The following RYR2 variants were observed in gnomAD, a reference collection of about 807,000 sequenced individuals.
RYR2 encodes ryanodine receptor 2.
In RYR2, 227 loss-of-function variants were observed where a neutral mutation model predicts 601.1. The ratio of observed to expected loss-of-function variants is 0.38; its 90% confidence interval spans 0.34 to 0.42. RYR2 has a LOEUF of 0.42. Among genes scored for constraint, RYR2 ranks in the 10% least tolerant of loss-of-function variants. The probability of loss-of-function intolerance (pLI) is 1.00; values close to 1 mark genes in which losing one functional copy is unlikely to be tolerated. For missense variants in RYR2, 4,646 were observed against 6,156.5 expected (o/e 0.75, Z 8.21); for synonymous variants, 2,223 against 2,175.1 (o/e 1.02, Z -0.61).
At chr1:237,678,494 G>C (rs1685593583) in intron 61 of RYR2, among the ~76,000 whole-genome samples, 1 of 152,048 alleles carries the variant, frequency 6.6e-6, no homozygotes. Flanking sequence ...TTCATAAATA[G>C]GCACATTATA....
intron 3 of RYR2, among the ~76,000 whole-genome samples, chr1:237,343,858 T>C (rs2787109): frequency 0.14 from 21,050 of 150,292 alleles, 1,643 homozygotes; most frequent in East Asian, 0.33. Context: ...TTACTTCTCA[T>C]TGCTCAGGCT....
intron 7 of RYR2, 65 bp from the exon 8 acceptor site, chr1:237,377,258 G>T: frequency 1.7e-6 from 2 of 1,196,948 alleles, no homozygotes; most frequent in Non-Finnish European, 2.3e-6. Flanking sequence ...GGGAATCATT[G>T]GCAAAGAAAA....
chr1:237,621,138 T>C (rs1289153750), intron 38 of RYR2, among the ~76,000 whole-genome samples: 1 of 152,148 alleles, frequency 6.6e-6, no homozygotes, highest in African/African-American at 2.4e-5. Context: ...CTCTTAGAGA[T>C]ACTAAACAAC....
intron 1 of RYR2, among the ~76,000 whole-genome samples, chr1:237,131,138 AC>A (rs1284392046): frequency 1.3e-5 from 2 of 152,072 alleles, no homozygotes; most frequent in African/African-American, 4.8e-5. Flanking sequence ...GAGAAAAGAT[AC>A]CCCAGGCCTC....
At chr1:237,382,755 AAG>A (rs1346890910) in intron 8 of RYR2, among the ~76,000 whole-genome samples, 1 of 152,136 alleles carries the variant, frequency 6.6e-6, no homozygotes, top group South Asian at 2.1e-4. Context: ...ATAATGATAA[AAG>A]AGTGATCATA....
chr1:237,579,418 G>A (rs1299779740), intron 29 of RYR2, among the ~76,000 whole-genome samples: 2 of 151,752 alleles, frequency 1.3e-5, no homozygotes, highest in African/African-American at 4.8e-5. Flanking sequence ...CACCATGCCC[G>A]GCTAATTTTG....
intron 17 of RYR2, among the ~76,000 whole-genome samples, chr1:237,480,251 T>G (rs528240093): frequency 9.9e-5 from 15 of 152,050 alleles, no homozygotes; most frequent in African/African-American, 3.1e-4. Context: ...AAACCTCGTC[T>G]GTACTAAAAA....
At chr1:237,430,090 A>G (rs1250199073) in intron 12 of RYR2, among the ~76,000 whole-genome samples, 1 of 150,572 alleles carries the variant, frequency 6.6e-6, no homozygotes, top group African/African-American at 2.4e-5. Flanking sequence ...CCAGATCAAT[A>G]TATATTGTTA....
Position 237,323,135 on chromosome 1 carries a change from C to T in RYR2, c.169-7743C>T, listed in dbSNP as rs115704585. Among the ~76,000 whole-genome samples the T allele has an allele frequency of 9.3e-3, 1,414 of 152,074 alleles. 25 individuals carry two copies. The highest frequency in any genetic ancestry group is 0.065 in the South Asian group (311 of 4,814). Reference sequence around the variant, plus strand: ...ATACTTGTTCGGGATACTTGTTTTCCAGAGAGTTGGTATGTGGAGCTTTTA... The same window carrying T: ...ATACTTGTTCGGGATACTTGTTTTCTAGAGAGTTGGTATGTGGAGCTTTTA... On this transcript the variant is annotated intron_variant, in intron 2 of 104. Coordinates refer to ENST00000366574, the MANE Select transcript of RYR2 (RefSeq NM_001035.3).
At chr1:237,306,982 T>C (rs1693940726) in intron 2 of RYR2, among the ~76,000 whole-genome samples, 1 of 152,200 alleles carries the variant, frequency 6.6e-6, no homozygotes, top group Non-Finnish European at 1.5e-5. Context: ...GGGTACGTAC[T>C]TATACTACTT....
chr1:237,633,417 G>A (rs1439741601), intron 42 of RYR2, among the ~76,000 whole-genome samples, 161 bp from the exon 43 acceptor site: 3 of 152,202 alleles, frequency 2.0e-5, no homozygotes, highest in African/African-American at 4.8e-5. Context: ...ACTCAGGGAC[G>A]AGGCAAATCG....
chr1:237,622,613 T>C (rs1488762502), intron 38 of RYR2, among the ~76,000 whole-genome samples: 1 of 152,166 alleles, frequency 6.6e-6, no homozygotes, highest in Non-Finnish European at 1.5e-5. Context: ...ACCAACTGTA[T>C]ATTGAAAATA....
intron 29 of RYR2, among the ~76,000 whole-genome samples, chr1:237,585,696 T>C (rs1478137378): frequency 6.6e-6 from 1 of 152,238 alleles, no homozygotes; most frequent in Non-Finnish European, 1.5e-5. Flanking sequence ...ATTTGATTTT[T>C]CCTGTTAAGT....
At chr1:237,102,989 G>A (rs921884491) in intron 1 of RYR2, among the ~76,000 whole-genome samples, 5 of 152,070 alleles carry the variant, frequency 3.3e-5, no homozygotes, top group Non-Finnish European at 7.4e-5. Flanking sequence ...ACAAATCTCC[G>A]AACAGTTTCA....
intron 80 of RYR2, chr1:237,743,518 T>G (rs1340100377): frequency 2.0e-6 from 1 of 503,310 alleles, no homozygotes; most frequent in Non-Finnish European, 4.0e-6. Flanking sequence ...TTTTCTGAAG[T>G]GCACAGCATT....
At chr1:237,662,486 ATG>A (rs199665306) in intron 56 of RYR2, among the ~76,000 whole-genome samples, 1,164 of 62,020 alleles carry the variant, frequency 0.019, 10 homozygotes, top group South Asian at 0.027. Context: ...AGAGAAAGGG[ATG>A]TTTTTTTTTT....
chr1:237,793,229 C>T (rs1436235090), intron 94 of RYR2, among the ~76,000 whole-genome samples: 3 of 152,146 alleles, frequency 2.0e-5, no homozygotes. Context: ...CCCGTTTATT[C>T]TGTTTTATGG....
At chr1:237,282,813 A>G (rs7537963) in intron 2 of RYR2, among the ~76,000 whole-genome samples, 72,377 of 152,114 alleles carry the variant, frequency 0.48, 19,274 homozygotes, top group East Asian at 0.77. Flanking sequence ...AGCATTTCAT[A>G]AGGAGAATGA....
intron 2 of RYR2, among the ~76,000 whole-genome samples, chr1:237,280,062 T>C (rs897134990): frequency 6.6e-6 from 1 of 152,228 alleles, no homozygotes; most frequent in Non-Finnish European, 1.5e-5. Flanking sequence ...TAAAAGTATT[T>C]CTTCTCATAA....
Sources: allele counts gnomAD v4.1 joint callset (sites outside exome capture counted in the v4.1 genomes callset), GRCh38; gene constraint gnomAD v4.1.1; transcripts MANE v1.5; gene names NCBI Gene and HGNC (gene_info 2026-07-23, HGNC 2026-07-21).